Variants in DNMT3A observed in about 807,000 individuals in gnomAD.
DNMT3A encodes DNA methyltransferase 3 alpha.
Under a neutral mutation model 117.6 loss-of-function variants are expected in DNMT3A, and 267 were observed. The ratio of observed to expected loss-of-function variants is 2.27; its 90% confidence interval spans 2.05 to 2.51. The LOEUF is 2.51. DNMT3A is among the 30% of genes most tolerant of loss of function. The pLI is 0.00. For synonymous variants in DNMT3A, 432 were observed against 474.8 expected (o/e 0.91, Z 1.17); for missense variants, 1,029 against 1,260.2 (o/e 0.82, Z 2.78).
chr2:25,265,772 T>C (rs1410629696), intron 6 of DNMT3A, among the ~76,000 whole-genome samples: 1 of 150,662 alleles, frequency 6.6e-6, no homozygotes, highest in Admixed American at 6.6e-5. Context: ...TGAGCTGAGA[T>C]CATGCCACTG....
In DNMT3A at chr2:25,237,095, G is replaced by A; in HGVS notation, c.2409-90C>T. The A allele has an allele frequency of 7.5e-7, 1 of 1,333,462 alleles. No homozygotes were observed. The allele number at this position is 1,333,462 out of a possible 1,614,324, so 82.6% of individuals were successfully genotyped here. ...CACGACTCCCCTCCCTCCCCCAGCA[G>A]CCACTAGTTCACAGGGTAAGAGCCC... is the stretch of plus-strand genomic sequence containing the variant. On this transcript the variant is annotated intron_variant, in intron 20 of 22. Coordinates refer to ENST00000321117, the MANE Select transcript of DNMT3A (RefSeq NM_022552.5). This position sits in a 1 kb window ranked among gnomAD's most constrained non-coding sequence, Gnocchi z 5.4.
intron 3 of DNMT3A, among the ~76,000 whole-genome samples, chr2:25,287,894 G>T (rs2149387507): frequency 6.6e-6 from 1 of 151,938 alleles, no homozygotes; most frequent in Non-Finnish European, 1.5e-5. Context: ...GAGCACAGTG[G>T]TGCAATCTCG....
intron 19 of DNMT3A, chr2:25,239,482 C>T (rs1005486018): frequency 1.7e-6 from 1 of 600,740 alleles, no homozygotes; most frequent in African/African-American, 1.8e-5. Flanking sequence ...TCAGTGGCCA[C>T]TAGCCCACTA....
Position 25,341,875 on chromosome 2 carries a change from G to C in DNMT3A, c.-227C>G. On this transcript the variant is annotated 5_prime_UTR_variant, in exon 1 of 23. Coordinates refer to ENST00000321117, the MANE Select transcript of DNMT3A (RefSeq NM_022552.5). ...GCCCGGCTGCGCGCCCTGGTGCCGCGGCGCCGCGTCCCGGCTCGTCCTCTG... is the reference window on the plus strand; with the variant it reads ...GCCCGGCTGCGCGCCCTGGTGCCGCCGCGCCGCGTCCCGGCTCGTCCTCTG... 1.0e-6 allele frequency: 1 copy of C among 979,776 alleles called. No individual in the cohort carries two copies. The highest frequency in any genetic ancestry group is 1.2e-4 in the East Asian group (1 of 8,578). The allele number at this position is 979,776 out of a possible 1,614,324, so 60.7% of individuals were successfully genotyped here. A position where few individuals can be genotyped will look rare whatever the true frequency, so the allele number is the denominator to read the frequency against.
chr2:25,256,311 G>C (rs947671905), intron 6 of DNMT3A, among the ~76,000 whole-genome samples: 3 of 152,092 alleles, frequency 2.0e-5, no homozygotes, highest in Non-Finnish European at 4.4e-5. Flanking sequence ...ATATCATGAA[G>C]CCCACGCTTT....
chr2:25,245,934 C>G, intron 12 of DNMT3A, 86 bp downstream of exon 12: 1 of 1,556,026 alleles, frequency 6.4e-7, no homozygotes. Flanking sequence ...CCCCTGGTCC[C>G]ATGTCATTCA....
intron 3 of DNMT3A, among the ~76,000 whole-genome samples, chr2:25,291,754 G>C (rs1011945373): frequency 1.3e-5 from 2 of 152,246 alleles, no homozygotes; most frequent in African/African-American, 4.8e-5. Context: ...GCTCTGCAAA[G>C]CCTTAGAGGT....
At chr2:25,300,764 TATATAA>T (rs1558723124) in intron 2 of DNMT3A, among the ~76,000 whole-genome samples, 2 of 61,934 alleles carry the variant, frequency 3.2e-5, no homozygotes, top group Non-Finnish European at 5.9e-5. Context: ...TATATATATA[TATATAA>T]ATAATACATC....
At chr2:25,235,100 T>G (rs1181881529) in intron 22 of DNMT3A, among the ~76,000 whole-genome samples, 2 of 152,010 alleles carry the variant, frequency 1.3e-5, no homozygotes, top group Non-Finnish European at 2.9e-5. Flanking sequence ...GCACCACAAG[T>G]TAAGGTCCTG....
In DNMT3A at chr2:25,307,730, T is replaced by C. The variant is rs140995539; in HGVS notation, c.72+6183A>G. ...ATCCATCTGCCTTGGCCTCCCACAG[T>C]GCTGGGATTCAGGTGTGAGCCACTG... On this transcript the variant is annotated intron_variant, in intron 2 of 22. Transcript: ENST00000321117. Among the ~76,000 whole-genome samples, 226 of 152,328 alleles carry C rather than the reference T, an allele frequency of 1.5e-3. 1 individual carries two copies. Among genetic ancestry groups the C allele is most frequent in the African/African-American group, 5.0e-3 (208 of 41,580 alleles).
chr2:25,267,100 C>T (rs1348910484), intron 6 of DNMT3A, among the ~76,000 whole-genome samples: 1 of 152,138 alleles, frequency 6.6e-6, no homozygotes, highest in African/African-American at 2.4e-5. Context: ...ATTGCACAGA[C>T]TTATTGGAAG....
chr2:25,287,721 C>G (rs2032415105), intron 3 of DNMT3A, among the ~76,000 whole-genome samples: 1 of 132,774 alleles, frequency 7.5e-6, no homozygotes, highest in Non-Finnish European at 1.7e-5. Context: ...CCCCACCAGA[C>G]AGAGGACACC....
intron 6 of DNMT3A, among the ~76,000 whole-genome samples, chr2:25,250,251 T>G (rs960792659): frequency 1.3e-5 from 2 of 152,218 alleles, no homozygotes; most frequent in African/African-American, 4.8e-5. Context: ...TCTTACAGAT[T>G]CATTTAATTT....
rs181735378 is a variant in DNMT3A at position 25,338,381 on chromosome 2, T to G, written c.-178+3445A>C. 3.4e-3 allele frequency among the ~76,000 whole-genome samples: 521 copies of G among 152,316 alleles called. 1 individual carries two copies. The highest frequency in any genetic ancestry group is 8.2e-3 in the Admixed American group (126 of 15,300). ...TTTTAACTCACCCATTAGAGTCCTC[T>G]TTCTACCTGGATCCCAAAAAGAGAA... On this transcript the variant is annotated intron_variant, in intron 1 of 22. Coordinates refer to ENST00000321117, the MANE Select transcript of DNMT3A (RefSeq NM_022552.5).
In DNMT3A at chr2:25,247,228, T is replaced by C; in HGVS notation, c.1015-70A>G. 2.0e-6 allele frequency: 3 copies of C among 1,475,484 alleles called. No individual in the cohort carries two copies. Among genetic ancestry groups the C allele is most frequent in the Non-Finnish European group, 2.8e-6 (3 of 1,067,366 alleles). 91.4% of individuals were successfully genotyped at this position (1,475,484 alleles called of 1,614,324 possible). A position where few individuals can be genotyped will look rare whatever the true frequency, so the allele number is the denominator to read the frequency against. ...AAGCACCCACCCCATGCCTTGCAAC[T>C]GGCAGGGGCTGGGAGCCTCGAGAGT... On this transcript the variant is annotated intron_variant, in intron 8 of 22. Coordinates refer to ENST00000321117, the MANE Select transcript of DNMT3A (RefSeq NM_022552.5). This position sits in a 1 kb window ranked among gnomAD's most constrained non-coding sequence, Gnocchi z 5.6.
rs1457444834 is a variant in DNMT3A, at chr2:25,284,576, G to A, written c.178-1865C>T. ...GCAGGAGAATCACTTGAATCCAGGAGGTAGAGGTTGCAGTGAGCTGAAACT... is the reference window on the plus strand; with the variant it reads ...GCAGGAGAATCACTTGAATCCAGGAAGTAGAGGTTGCAGTGAGCTGAAACT... On this transcript the variant is annotated intron_variant, in intron 3 of 22. Transcript: ENST00000321117. Among the ~76,000 whole-genome samples the A allele has an allele frequency of 2.9e-5, 4 of 138,398 alleles. No individual in the cohort carries two copies. In the Admixed American group the frequency reaches 3.1e-4, roughly 11 times the overall value. The allele number at this position is 138,398 out of a possible 152,430, so 90.8% of individuals were successfully genotyped here. A position where few individuals can be genotyped will look rare whatever the true frequency, so the allele number is the denominator to read the frequency against.
chr2:25,332,664 G>A (rs2035058549), intron 1 of DNMT3A, among the ~76,000 whole-genome samples: 1 of 152,244 alleles, frequency 6.6e-6, no homozygotes, highest in Non-Finnish European at 1.5e-5. Flanking sequence ...TCTGATTCCA[G>A]GCTGCTGGCA....
intron 1 of DNMT3A, among the ~76,000 whole-genome samples, chr2:25,326,017 G>A (rs555566536): frequency 2.0e-5 from 3 of 152,200 alleles, no homozygotes; most frequent in Non-Finnish European, 4.4e-5. Flanking sequence ...AGACAATGAA[G>A]CCAGGTAGCA....
intron 3 of DNMT3A, among the ~76,000 whole-genome samples, chr2:25,284,645 T>TGAAAAAAAAAAAAAAAAAAAAAAAAAA (rs1287436463): frequency 1.2e-4 from 2 of 16,632 alleles, no homozygotes; most frequent in Admixed American, 8.1e-4. Flanking sequence ...AGACTCCATC[T>TGAAAAAAAAAAAAAAAAAAAAAAAAAA]AAAAAAAAAA....
Sources: allele counts gnomAD v4.1 joint callset (sites outside exome capture counted in the v4.1 genomes callset), GRCh38; gene constraint gnomAD v4.1.1; non-coding constraint Gnocchi (gnomAD v3.1); transcripts MANE v1.5; gene names NCBI Gene and HGNC (gene_info 2026-07-23, HGNC 2026-07-21).